HLTF: variants seen among roughly 807,000 people sequenced by gnomAD.
HLTF encodes the protein DNA-dependent ATPase/E3 ubiquitin-protein ligase HLTF.
HLTF carries 127 observed loss-of-function variants against 129.4 expected under a neutral mutation model. That is an observed-to-expected ratio of 0.98 (90% CI 0.85 to 1.14). The LOEUF is 1.14. HLTF is among the 50% of genes most tolerant of loss of function. The pLI is 0.00. For missense variants in HLTF, 1,139 were observed against 1,187.1 expected, an observed-to-expected ratio of 0.96 and a Z score of 0.60; for synonymous variants, 332 against 388.8, an observed-to-expected ratio of 0.85 and a Z score of 1.72.
intron 2 of HLTF, among the ~76,000 whole-genome samples, chr3:149,082,421 T>C (rs1395229218): frequency 6.6e-6 from 1 of 152,092 alleles, no homozygotes; most frequent in East Asian, 1.9e-4. Flanking sequence ...ATCCCGCCAC[T>C]GCGCTCCAGC....
At chr3:149,072,144 T>A (rs989515223) in intron 5 of HLTF, among the ~76,000 whole-genome samples, 1 of 152,214 alleles carries the variant, frequency 6.6e-6, no homozygotes, top group East Asian at 1.9e-4. Context: ...AGAATTACAC[T>A]ACTCACTGAA....
At position 149,064,781 on chromosome 3, in the gene HLTF, T is replaced by C. The variant is rs1041675539; in HGVS notation, c.1066+10A>G. 1 of 1,489,934 alleles carries C rather than the reference T, an allele frequency of 6.7e-7. No homozygotes were observed. The highest frequency in any genetic ancestry group is 1.4e-5 in the African/African-American group (1 of 72,418). 92.3% of individuals were successfully genotyped at this position (1,489,934 alleles called of 1,614,324 possible). A position where few individuals can be genotyped will look rare whatever the true frequency, so the allele number is the denominator to read the frequency against. On this transcript the variant is annotated intron_variant, in intron 9 of 24. Transcript: ENST00000310053. ...ATCAAATATTGGATCATTTCAAAATTAGCATTTACCTTTGCTTAGTCCATC... is the reference window on the plus strand; with the variant it reads ...ATCAAATATTGGATCATTTCAAAATCAGCATTTACCTTTGCTTAGTCCATC...
chr3:149,062,326 T>G (rs947944003), intron 10 of HLTF, among the ~76,000 whole-genome samples: 4 of 152,214 alleles, frequency 2.6e-5, no homozygotes, highest in African/African-American at 4.8e-5. Context: ...CCCAGGTTTA[T>G]GATAAGTTCA....
At chr3:149,048,006 A>G (rs779913230) in intron 17 of HLTF, 22 bp downstream of exon 17, 3 of 1,566,926 alleles carry the variant, frequency 1.9e-6, no homozygotes, top group African/African-American at 2.8e-5. Context: ...ACTAATATTA[A>G]TCACTGTCTG....
intron 2 of HLTF, among the ~76,000 whole-genome samples, chr3:149,078,626 G>C (rs1380953188): frequency 6.6e-6 from 1 of 152,094 alleles, no homozygotes; most frequent in African/African-American, 2.4e-5. Context: ...GGGAGGCCGA[G>C]GTGGGCGGAT....
chr3:149,085,016 T>C, intron 1 of HLTF, 127 bp from the exon 2 acceptor site: 3 of 688,050 alleles, frequency 4.4e-6, no homozygotes, highest in Non-Finnish European at 7.3e-6. Flanking sequence ...TAAAGATTAA[T>C]AGTTACTCTC....
chr3:149,076,642 T>C lies in HLTF; in HGVS notation c.229-595A>G, dbSNP rs182554723. Reference sequence around the variant, plus strand: ...AGGATGGAACTAGGTAAGAAAAATATATCCAGCCTTCAACTCATGCCATTC... The same window carrying C: ...AGGATGGAACTAGGTAAGAAAAATACATCCAGCCTTCAACTCATGCCATTC... On this transcript the variant is annotated intron_variant, in intron 2 of 24. Coordinates refer to ENST00000310053, the MANE Select transcript of HLTF (RefSeq NM_003071.4). 5.9e-5 allele frequency among the ~76,000 whole-genome samples: 9 copies of C among 152,312 alleles called. No individual in the cohort carries two copies. In the East Asian group the frequency reaches 1.7e-3, roughly 29 times the overall value.
rs148553300 is a variant in HLTF at position 149,039,161 on chromosome 3, T to C, written c.2684A>G (p.Gln895Arg). ...MAQKKRVESI[Q>R]CFQNTEAGSP... is the part of the protein sequence containing the mutation. ...TCCTGCTTCAGTGTTTTGAAAACAC[T>C]GAATTGATTCAACTCTTTTCTTTTG... Residue 895 changes from glutamine (Q) to arginine (R), a missense_variant, in exon 23 of 25, where the codon CAG (glutamine) becomes CGG (arginine). By Grantham distance (43) the Gln-to-Arg change is conservative. Coordinates refer to ENST00000310053, the MANE Select transcript of HLTF (RefSeq NM_003071.4). 1.9e-6 allele frequency: 3 copies of C among 1,611,898 alleles called. No individual in the cohort carries two copies. Among genetic ancestry groups the C allele is most frequent in the Non-Finnish European group, 2.5e-6 (3 of 1,179,164 alleles).
rs1400750339 is a variant in HLTF at position 149,030,919 on chromosome 3, ATCTT to A, written c.*1297_*1300del. 6.6e-6 allele frequency: 1 copy of A among 152,218 alleles called. No individual in the cohort carries two copies. Among genetic ancestry groups the A allele is most frequent in the African/African-American group, 2.4e-5 (1 of 41,458 alleles). 9.4% of individuals were successfully genotyped at this position (152,218 alleles called of 1,614,324 possible). A position where few individuals can be genotyped will look rare whatever the true frequency, so the allele number is the denominator to read the frequency against. On this transcript the variant is annotated 3_prime_UTR_variant, in exon 25 of 25. Coordinates refer to ENST00000310053, the MANE Select transcript of HLTF (RefSeq NM_003071.4). ...ATAACACAACATTGTCTCCGATCTC[ATCTT>A]TCTATCAAATGACTTCCAACACTCT...
At chr3:149,043,547 GAAAA>G (rs35953851) in intron 18 of HLTF, among the ~76,000 whole-genome samples, 5 of 83,680 alleles carry the variant, frequency 6.0e-5, no homozygotes, top group Non-Finnish European at 1.0e-4. Flanking sequence ...ACTTCAGAGG[GAAAA>G]AAAAAAAAAA....
chr3:149,076,857 T>C (rs1001046159), intron 2 of HLTF, among the ~76,000 whole-genome samples: 8 of 152,162 alleles, frequency 5.3e-5, no homozygotes, highest in African/African-American at 1.9e-4. Flanking sequence ...GAGAACTAAA[T>C]CAAAGGCTTG....
At chr3:149,039,351 T>C in intron 22 of HLTF, 122 bp from the exon 23 acceptor site, 1 of 766,034 alleles carries the variant, frequency 1.3e-6, no homozygotes, top group South Asian at 2.7e-5. Flanking sequence ...AAATGTTTAT[T>C]GAACACTTAT....
At chr3:149,032,742 C>G (rs1715209165) in intron 24 of HLTF, among the ~76,000 whole-genome samples, 1 of 152,090 alleles carries the variant, frequency 6.6e-6, no homozygotes, top group Admixed American at 6.5e-5. Context: ...GCGGGCAGAT[C>G]ATGAGGTCAG....
intron 8 of HLTF, among the ~76,000 whole-genome samples, chr3:149,065,685 C>G (rs75934412): frequency 0.071 from 10,821 of 152,140 alleles, 461 homozygotes; most frequent in South Asian, 0.15. Context: ...CACAGATTAG[C>G]CAGGCATGGT....
In HLTF at chr3:149,060,629, T is replaced by G. The variant is rs750283415; in HGVS notation, c.1285+14A>C. On this transcript the variant is annotated intron_variant, in intron 12 of 24. Coordinates refer to ENST00000310053, the MANE Select transcript of HLTF (RefSeq NM_003071.4). ...TCTTGAAGTCTAGATTATGGGTATA[T>G]AGTATACACATACCTTTCGCCCTGC... The G allele has an allele frequency of 6.3e-7, 1 of 1,581,656 alleles. No individual in the cohort carries two copies. Among genetic ancestry groups the G allele is most frequent in the East Asian group, 2.2e-5 (1 of 44,632 alleles).
Position 149,030,905 on chromosome 3 carries a change from T to C in HLTF, c.*1315A>G, listed in dbSNP as rs573575601. ...TCAATGTGTGCCCTATAACACAACA[T>C]TGTCTCCGATCTCATCTTTCTATCA... On this transcript the variant is annotated 3_prime_UTR_variant, in exon 25 of 25. Coordinates refer to ENST00000310053, the MANE Select transcript of HLTF (RefSeq NM_003071.4). 27 of 152,332 alleles carry C rather than the reference T, an allele frequency of 1.8e-4. No homozygotes were observed. Among genetic ancestry groups the C allele is most frequent in the East Asian group, 9.6e-4 (5 of 5,186 alleles). 9.4% of individuals were successfully genotyped at this position (152,332 alleles called of 1,614,324 possible).
chr3:149,034,565 A>C (rs1252575045), intron 24 of HLTF, among the ~76,000 whole-genome samples: 2 of 152,196 alleles, frequency 1.3e-5, no homozygotes, highest in Non-Finnish European at 2.9e-5. Context: ...TATACTTCAA[A>C]ATGGTAAATT....
At chr3:149,065,539 C>CA (rs1247696867) in intron 8 of HLTF, among the ~76,000 whole-genome samples, 1 of 151,872 alleles carries the variant, frequency 6.6e-6, no homozygotes, top group Non-Finnish European at 1.5e-5. Context: ...AGGTACCAAT[C>CA]AAAAAAAACT....
chr3:149,075,975 T>TTA lies in HLTF; in HGVS notation c.299_300dup (p.Asn101Ter), dbSNP rs1178863450. On this transcript the variant is annotated frameshift_variant, in exon 3 of 25. Transcript: ENST00000310053. LOFTEE classifies it high-confidence loss of function. ...CCAACTTGATTTCCATTCACATTGT[T>TTA]TACTTTAATTGCATTCTTATCATAA... 1 of 1,574,924 alleles carries TTA rather than the reference T, an allele frequency of 6.3e-7. No individual in the cohort carries two copies. Among genetic ancestry groups the TTA allele is most frequent in the Non-Finnish European group, 8.7e-7 (1 of 1,145,466 alleles).
Sources: allele counts gnomAD v4.1 joint callset (sites outside exome capture counted in the v4.1 genomes callset), GRCh38; gene constraint gnomAD v4.1.1; transcripts MANE v1.5; gene names NCBI Gene and HGNC (gene_info 2026-07-23, HGNC 2026-07-21).